PRPF6: variants seen among roughly 807,000 people sequenced by gnomAD.
The protein encoded by PRPF6 is pre-mRNA processing factor 6.
In PRPF6, 42 loss-of-function variants were observed where a neutral mutation model predicts 118.3. The ratio of observed to expected loss-of-function variants is 0.35; its 90% confidence interval spans 0.28 to 0.46. The LOEUF is 0.46. Ranked by LOEUF, PRPF6 falls within the 20% of genes least tolerant of loss-of-function variation. The pLI is 1.00. For synonymous variants in PRPF6, 481 were observed against 485.1 expected (o/e 0.99, Z 0.11); for missense variants, 662 against 1,255.7 (o/e 0.53, Z 7.15).
intron 13 of PRPF6, among the ~76,000 whole-genome samples, chr20:64,023,430 A>G (rs2059274867): frequency 6.6e-6 from 1 of 152,242 alleles, no homozygotes; most frequent in Non-Finnish European, 1.5e-5. Flanking sequence ...GATAGCTCTC[A>G]AGGGCATTGG....
At chr20:63,997,279 C>T (rs2059144599) in intron 6 of PRPF6, among the ~76,000 whole-genome samples, 1 of 148,768 alleles carries the variant, frequency 6.7e-6, no homozygotes, top group African/African-American at 2.5e-5. Context: ...CAGCATGCGT[C>T]AGCATGTTCT....
intron 9 of PRPF6, among the ~76,000 whole-genome samples, chr20:64,001,940 C>T (rs191955108): frequency 1.6e-3 from 241 of 150,346 alleles, no homozygotes; most frequent in African/African-American, 5.6e-3. Flanking sequence ...AGAACGAGTG[C>T]TAGTCAGGGG....
chr20:64,021,959 G>T (rs1050059569), intron 12 of PRPF6, among the ~76,000 whole-genome samples: 1 of 145,372 alleles, frequency 6.9e-6, no homozygotes, highest in Non-Finnish European at 1.5e-5. Flanking sequence ...GTGTGTGTGT[G>T]CACGTATGCA....
chr20:64,029,892 C>T lies in PRPF6; in HGVS notation c.2546+401C>T, dbSNP rs1005403080. Among the ~76,000 whole-genome samples, 3 of 148,494 alleles carry T rather than the reference C, an allele frequency of 2.0e-5. No individual in the cohort carries two copies. The highest frequency in any genetic ancestry group is 7.6e-5 in the African/African-American group (3 of 39,582). ...ATGTGATTCACACTGGTGCGCTGGC[C>T]GCCGGGTCAGAGACTCACTGGGGAC... On this transcript the variant is annotated intron_variant, in intron 19 of 20. Transcript: ENST00000266079. The surrounding 1 kb of genome is among the most constrained non-coding windows in gnomAD (Gnocchi z 4.8).
At chr20:63,981,360 G>GT (rs2059065810) in intron 1 of PRPF6, 44 bp downstream of exon 1, 57 of 1,532,174 alleles carry the variant, frequency 3.7e-5, no homozygotes, top group Non-Finnish European at 5.0e-5. Flanking sequence ...CCCGGCTACA[G>GT]GAGCGCAGTG....
chr20:64,001,796 C>A (rs956224518), intron 9 of PRPF6, among the ~76,000 whole-genome samples: 1 of 152,190 alleles, frequency 6.6e-6, no homozygotes. Flanking sequence ...CAACCTGATT[C>A]CATCCAGGGA....
chr20:64,016,587 A>T, intron 11 of PRPF6, 136 bp from the exon 12 acceptor site: 1 of 1,156,196 alleles, frequency 8.6e-7, no homozygotes, highest in Non-Finnish European at 1.3e-6. Flanking sequence ...TCACTTCCTC[A>T]GATCCCCAGT....
In PRPF6 at chr20:64,031,794, T is replaced by C. The variant is rs569461532; in HGVS notation, c.2547-124T>C. On this transcript the variant is annotated intron_variant, in intron 19 of 20. Coordinates refer to ENST00000266079, the MANE Select transcript of PRPF6 (RefSeq NM_012469.4). ...CAGCCGAGGCCCTGATCCTCAGGCC[T>C]TCTTGAGGGGAGCACCAGGGCTGCG... 9 of 1,353,972 alleles carry C rather than the reference T, an allele frequency of 6.6e-6. No homozygotes were observed. In the Admixed American group the frequency reaches 6.7e-5, roughly 10 times the overall value. 83.9% of individuals were successfully genotyped at this position (1,353,972 alleles called of 1,614,324 possible). A position where few individuals can be genotyped will look rare whatever the true frequency, so the allele number is the denominator to read the frequency against.
chr20:64,028,718 T>C lies in PRPF6; in HGVS notation c.2431+149T>C. The C allele has an allele frequency of 1.2e-6, 1 of 802,720 alleles. No homozygotes were observed. The highest frequency in any genetic ancestry group is 2.0e-6 in the Non-Finnish European group (1 of 502,050). 49.7% of individuals were successfully genotyped at this position (802,720 alleles called of 1,614,324 possible). A position where few individuals can be genotyped will look rare whatever the true frequency, so the allele number is the denominator to read the frequency against. ...TGGGGGCTCAGGCTTCAGACGGACT[T>C]TATTAAAATGTGTAGTTTGTGTGAA... On this transcript the variant is annotated intron_variant, in intron 18 of 20. Coordinates refer to ENST00000266079, the MANE Select transcript of PRPF6 (RefSeq NM_012469.4). This position sits in a 1 kb window ranked among gnomAD's most constrained non-coding sequence, Gnocchi z 6.5.
chr20:64,007,383 CCCCTCT>C, intron 9 of PRPF6, among the ~76,000 whole-genome samples: 1 of 142,582 alleles, frequency 7.0e-6, no homozygotes, highest in African/African-American at 2.6e-5. Flanking sequence ...CGCCTCCCCT[CCCCTCT>C]GCCTCCCGTC....
chr20:63,981,171 G>A lies in PRPF6; in HGVS notation c.-75G>A, dbSNP rs180973296. On this transcript the variant is annotated 5_prime_UTR_variant, in exon 1 of 21. Transcript: ENST00000266079. ...GCTACGGAGTGCATCGGACGTCGAA[G>A]CCTAGAGTCTCTGCGTCTTTCCCTC... The A allele has an allele frequency of 1.1e-3, 1,581 of 1,473,730 alleles. 16 individuals are homozygous for A. In the African/African-American group the frequency reaches 0.02, roughly 19 times the overall value. The allele number at this position is 1,473,730 out of a possible 1,614,324, so 91.3% of individuals were successfully genotyped here.
chr20:64,001,619 G>A (rs556010572), intron 9 of PRPF6, among the ~76,000 whole-genome samples: 40 of 152,358 alleles, frequency 2.6e-4, no homozygotes, highest in African/African-American at 8.7e-4. Context: ...CACCTGGCAC[G>A]TGCAGACCCG....
At chr20:63,996,149 G>A (rs1400678023) in intron 6 of PRPF6, among the ~76,000 whole-genome samples, 2 of 151,172 alleles carry the variant, frequency 1.3e-5, no homozygotes, top group African/African-American at 4.9e-5. Context: ...TTTTGGCCTG[G>A]CCAACATGGT....
In PRPF6 at chr20:64,022,848, C is replaced by T; in HGVS notation, c.1739C>T (p.Ala580Val). The T allele has an allele frequency of 6.2e-7, 1 of 1,614,064 alleles. No individual in the cohort carries two copies. The highest frequency in any genetic ancestry group is 8.5e-7 in the Non-Finnish European group (1 of 1,180,004). ...AGCAAGAAGAGTGTGTGGCTGCGCG[C>T]CGCGTACTTCGAGAAGAACCATGGC... Reference protein sequence around the residue: ...FPSKKSVWLRAAYFEKNHGTR... With the variant: ...FPSKKSVWLRVAYFEKNHGTR... The change falls in exon 13 of 21, where the codon GCC becomes GTC. Residue 580 changes from alanine (A) to valine (V), a missense_variant. Physicochemically the swap from Ala to Val is moderately conservative, Grantham distance 64. Around this residue, in one of 10 missense-constraint regions of PRPF6, gnomAD observed 189 missense variants for 323.5 expected, o/e 0.58. Transcript: ENST00000266079.
intron 2 of PRPF6, 38 bp from the exon 3 acceptor site, chr20:63,984,869 G>A: frequency 6.9e-7 from 1 of 1,453,482 alleles, no homozygotes; most frequent in Non-Finnish European, 9.6e-7. Flanking sequence ...TGGTGTTGAA[G>A]GAAAAGCTGA....
chr20:63,985,446 C>T (rs568928717), intron 3 of PRPF6, among the ~76,000 whole-genome samples: 1 of 152,200 alleles, frequency 6.6e-6, no homozygotes, highest in African/African-American at 2.4e-5. Flanking sequence ...ACCTGAGGGT[C>T]TTGGTCTGTC....
intron 9 of PRPF6, among the ~76,000 whole-genome samples, chr20:64,008,957 T>A (rs2059202355): frequency 6.6e-6 from 1 of 152,208 alleles, no homozygotes; most frequent in Non-Finnish European, 1.5e-5. Flanking sequence ...TTTTAAGTTT[T>A]AGGTATTTTT....
chr20:64,021,627 TTG>T (rs1247127684), intron 12 of PRPF6, among the ~76,000 whole-genome samples: 3 of 59,046 alleles, frequency 5.1e-5, no homozygotes, highest in African/African-American at 7.2e-5. Context: ...GTGCGTGTGT[TTG>T]TGTGTGTGCG....
chr20:63,997,061 C>G (rs545858212), intron 6 of PRPF6, among the ~76,000 whole-genome samples: 2 of 152,216 alleles, frequency 1.3e-5, no homozygotes, highest in Non-Finnish European at 2.9e-5. Context: ...ACAACCTCAT[C>G]ACCATTCATC....
Sources: allele counts gnomAD v4.1 joint callset (sites outside exome capture counted in the v4.1 genomes callset), GRCh38; gene constraint gnomAD v4.1.1; regional missense constraint gnomAD v4.1.1; non-coding constraint Gnocchi (gnomAD v3.1); transcripts MANE v1.5; gene names NCBI Gene and HGNC (gene_info 2026-07-23, HGNC 2026-07-21).